Variants in SLC23A2 observed in about 807,000 individuals in gnomAD.
SLC23A2 encodes Na(+)/L-ascorbic acid transporter 2.
In SLC23A2, 36 loss-of-function variants were observed where a neutral mutation model predicts 73.3. The observed-to-expected ratio is 0.49, with a 90% confidence interval of 0.38 to 0.65. SLC23A2 has a LOEUF of 0.65. Ranked by LOEUF, SLC23A2 falls within the 30% of genes least tolerant of loss-of-function variation. The probability of loss-of-function intolerance (pLI) is 0.00; values close to 1 mark genes in which losing one functional copy is unlikely to be tolerated. For synonymous variants in SLC23A2, 343 were observed against 327.3 expected, an observed-to-expected ratio of 1.05 and a Z score of -0.52; for missense variants, 507 against 841.6, an observed-to-expected ratio of 0.60 and a Z score of 4.92.
chr20:4,901,306 G>C (rs1361107762), intron 5 of SLC23A2, among the ~76,000 whole-genome samples: 1 of 152,074 alleles, frequency 6.6e-6, no homozygotes, highest in African/African-American at 2.4e-5. Flanking sequence ...CCCCACCCCA[G>C]GGTGAATCAA....
chr20:4,981,845 G>A (rs2122270218), intron 1 of SLC23A2, among the ~76,000 whole-genome samples: 1 of 152,160 alleles, frequency 6.6e-6, no homozygotes, highest in East Asian at 1.9e-4. Context: ...GGGACCAGAG[G>A]TGCATGCCAC....
chr20:4,925,655 C>G (rs776082284), intron 3 of SLC23A2, among the ~76,000 whole-genome samples: 46 of 152,224 alleles, frequency 3.0e-4, no homozygotes, highest in Non-Finnish European at 5.9e-4. Flanking sequence ...AATTTCCTAC[C>G]CCAAAACGAG....
intron 2 of SLC23A2, among the ~76,000 whole-genome samples, chr20:4,945,293 C>CTTGT (rs141626440): frequency 8.5e-4 from 129 of 151,918 alleles, no homozygotes; most frequent in Middle Eastern, 3.4e-3. Flanking sequence ...AACTCTTGAT[C>CTTGT]TTGTTTGTTT....
At chr20:4,939,051 G>C (rs1006140091) in intron 2 of SLC23A2, among the ~76,000 whole-genome samples, 14 of 151,982 alleles carry the variant, frequency 9.2e-5, no homozygotes, top group Non-Finnish European at 2.1e-4. Context: ...AGAACAACCT[G>C]GGCAAGATAG....
At chr20:4,945,293 CTTGTTTGTTTGT>C (rs141626440) in intron 2 of SLC23A2, among the ~76,000 whole-genome samples, 2 of 151,802 alleles carry the variant, frequency 1.3e-5, no homozygotes, top group Admixed American at 1.3e-4. Flanking sequence ...AACTCTTGAT[CTTGTTTGTTTGT>C]TTGTTTGTTT....
In SLC23A2 at chr20:4,908,180, AGAT is replaced by A. The variant is rs1201427622; in HGVS notation, c.207+4697_207+4699del. 2.0e-5 allele frequency among the ~76,000 whole-genome samples: 3 copies of A among 152,374 alleles called. No individual in the cohort carries two copies. The East Asian group carries it at 5.8e-4, about 29-fold the overall frequency. On this transcript the variant is annotated intron_variant, in intron 4 of 16. Transcript: ENST00000338244. ...TTAATATTTAAAGATACAATTCCTG[AGAT>A]AATAGCAGCCTCAAAGCTAAATATT... is the stretch of plus-strand genomic sequence containing the variant.
intron 1 of SLC23A2, among the ~76,000 whole-genome samples, chr20:5,009,524 T>G (rs1023758613): frequency 6.6e-6 from 1 of 152,202 alleles, no homozygotes; most frequent in African/African-American, 2.4e-5. Context: ...TGTCAGTGCA[T>G]CCAGGGCAGA....
chr20:4,902,571 A>C lies in SLC23A2; in HGVS notation c.208-13T>G. ...CAGCGAGAGAGCTCTGCGAGCCAGA[A>C]GGAGAAAAGAAGGTGCTCATTAAAC... is the stretch of plus-strand genomic sequence containing the variant. On this transcript the variant is annotated splice_polypyrimidine_tract_variant and intron_variant, in intron 4 of 16. Coordinates refer to ENST00000338244, the MANE Select transcript of SLC23A2 (RefSeq NM_005116.6). This position sits in a 1 kb window ranked among gnomAD's most constrained non-coding sequence, Gnocchi z 4.0. 2 of 1,505,966 alleles carry C rather than the reference A, an allele frequency of 1.3e-6. No individual in the cohort carries two copies. The highest frequency in any genetic ancestry group is 1.8e-6 in the Non-Finnish European group (2 of 1,088,718). The allele number at this position is 1,505,966 out of a possible 1,614,324, so 93.3% of individuals were successfully genotyped here.
At chr20:4,939,304 G>A (rs182040576) in intron 2 of SLC23A2, among the ~76,000 whole-genome samples, 109 of 152,246 alleles carry the variant, frequency 7.2e-4, no homozygotes, top group Non-Finnish European at 1.1e-3. Flanking sequence ...TGTAAGAGTG[G>A]TTTTGTTTAA....
In SLC23A2 at chr20:4,954,111, T is replaced by C. The variant is rs577095934; in HGVS notation, c.-155+16682A>G. 2.0e-5 allele frequency among the ~76,000 whole-genome samples: 3 copies of C among 152,236 alleles called. No individual in the cohort carries two copies. In the South Asian group the frequency reaches 6.2e-4, roughly 32 times the overall value. ...CTTTACATTCTGAACATTCTTTCAC[T>C]GAAATAAAGCCCATAATGGCTAGAA... is the stretch of plus-strand genomic sequence containing the variant. On this transcript the variant is annotated intron_variant, in intron 2 of 16. Coordinates refer to ENST00000338244, the MANE Select transcript of SLC23A2 (RefSeq NM_005116.6).
At chr20:4,897,560 A>G (rs1180304331) in intron 6 of SLC23A2, among the ~76,000 whole-genome samples, 4 of 152,190 alleles carry the variant, frequency 2.6e-5, no homozygotes, top group Admixed American at 2.6e-4. Flanking sequence ...TAGGGTGTCA[A>G]ATCCCTCTCC....
At chr20:4,892,204 G>A (rs1248194916) in intron 6 of SLC23A2, among the ~76,000 whole-genome samples, 1 of 152,104 alleles carries the variant, frequency 6.6e-6, no homozygotes, top group Non-Finnish European at 1.5e-5. Flanking sequence ...ACAGGGCAGA[G>A]ACCCTTAGCC....
chr20:4,891,419 A>T (rs1931327844), intron 6 of SLC23A2, among the ~76,000 whole-genome samples: 1 of 152,180 alleles, frequency 6.6e-6, no homozygotes, highest in African/African-American at 2.4e-5. Flanking sequence ...AAAAGCGAGT[A>T]GACCCGCCTT....
intron 2 of SLC23A2, among the ~76,000 whole-genome samples, chr20:4,934,546 T>TA (rs1480828341): frequency 2.0e-5 from 3 of 152,092 alleles, no homozygotes; most frequent in African/African-American, 7.2e-5. Context: ...CTATGGGACT[T>TA]ACTCCAGCTT....
intron 7 of SLC23A2, 72 bp downstream of exon 7, chr20:4,885,739 TGCTGAGGGCA>T (rs1931072062): frequency 1.0e-6 from 1 of 964,490 alleles, no homozygotes; most frequent in African/African-American, 1.6e-5. Context: ...GATTTAGCGC[TGCTGAGGGCA>T]GCACGTCCAG....
At chr20:4,877,778 G>C (rs1930716494) in intron 9 of SLC23A2, among the ~76,000 whole-genome samples, 1 of 152,140 alleles carries the variant, frequency 6.6e-6, no homozygotes, top group Admixed American at 6.5e-5. Context: ...CTTCTGAATA[G>C]GTTTGAAATT....
At chr20:4,859,816 G>T (rs1384149744) in intron 15 of SLC23A2, among the ~76,000 whole-genome samples, 1 of 152,192 alleles carries the variant, frequency 6.6e-6, no homozygotes, top group African/African-American at 2.4e-5. Context: ...TCAGTATCCT[G>T]GGTTATCAAT....
chr20:4,935,760 C>T (rs2086953364), intron 2 of SLC23A2, among the ~76,000 whole-genome samples: 1 of 152,066 alleles, frequency 6.6e-6, no homozygotes, highest in South Asian at 2.1e-4. Context: ...GATCATACCA[C>T]TGCACTCCAG....
intron 4 of SLC23A2, among the ~76,000 whole-genome samples, chr20:4,912,115 G>T (rs947090183): frequency 2.6e-5 from 4 of 151,820 alleles, no homozygotes; most frequent in African/African-American, 9.7e-5. Flanking sequence ...AAAGTATTGG[G>T]ATTATAGGTG....
Sources: allele counts gnomAD v4.1 joint callset (sites outside exome capture counted in the v4.1 genomes callset), GRCh38; gene constraint gnomAD v4.1.1; non-coding constraint Gnocchi (gnomAD v3.1); transcripts MANE v1.5; gene names NCBI Gene and HGNC (gene_info 2026-07-23, HGNC 2026-07-21).